The following TFDP2 variants were observed in gnomAD, a reference collection of about 807,000 sequenced individuals.
The protein encoded by TFDP2 is transcription factor Dp-2.
TFDP2 carries 17 observed loss-of-function variants against 59.3 expected under a neutral mutation model. The observed-to-expected ratio is 0.29, with a 90% CI of 0.20 to 0.43. TFDP2 has a LOEUF of 0.43. Ranked by LOEUF, TFDP2 falls within the 20% of genes least tolerant of loss-of-function variation. The pLI, the probability that TFDP2 is intolerant of heterozygous loss-of-function variation, is 1.00. For missense variants in TFDP2, 391 were observed against 528.8 expected, an observed-to-expected ratio of 0.74 and a Z score of 2.56; for synonymous variants, 180 against 194.7, an observed-to-expected ratio of 0.92 and a Z score of 0.63.
chr3:142,005,986 A>G (rs11569186), intron 3 of TFDP2, among the ~76,000 whole-genome samples: 10,582 of 152,292 alleles, frequency 0.069, 469 homozygotes, highest in Non-Finnish European at 0.11. Flanking sequence ...AGATTTCTTT[A>G]TAGTATAAAA....
intron 1 of TFDP2, among the ~76,000 whole-genome samples, chr3:142,140,409 C>T (rs1164313992): frequency 6.6e-6 from 1 of 152,154 alleles, no homozygotes; most frequent in South Asian, 2.1e-4. Context: ...CCGTTGCTGA[C>T]GAGGAGCTGC....
chr3:142,094,674 A>T (rs1357031991), intron 2 of TFDP2, among the ~76,000 whole-genome samples: 1 of 152,164 alleles, frequency 6.6e-6, no homozygotes, highest in Non-Finnish European at 1.5e-5. Context: ...GATATCATTG[A>T]TATATAAAAA....
At position 142,056,289 on chromosome 3, in the gene TFDP2, AC is replaced by A. The variant is rs538633200; in HGVS notation, c.82+36771del. On this transcript the variant is annotated intron_variant, in intron 3 of 12. Transcript: ENST00000489671. ...TTATAGGTCAAGCACAGTGCTTGGC[AC>A]TGGGGATATAACAGTGAATTAAAAA... Among the ~76,000 whole-genome samples the A allele has an allele frequency of 1.2e-3, 173 of 143,082 alleles. 1 individual carries two copies. Among genetic ancestry groups the A allele is most frequent in the African/African-American group, 4.4e-3 (164 of 37,658 alleles). 93.9% of individuals were successfully genotyped at this position (143,082 alleles called of 152,430 possible).
intron 3 of TFDP2, among the ~76,000 whole-genome samples, chr3:142,037,848 C>T (rs1212951660): frequency 1.3e-5 from 2 of 152,096 alleles, no homozygotes; most frequent in African/African-American, 4.8e-5. Flanking sequence ...TTCCACTATA[C>T]AGTTGTGTCA....
At chr3:142,110,410 G>C (rs893553091) in intron 1 of TFDP2, among the ~76,000 whole-genome samples, 1 of 151,780 alleles carries the variant, frequency 6.6e-6, no homozygotes, top group Non-Finnish European at 1.5e-5. Flanking sequence ...AGGCTGAGGC[G>C]GGAGAATCAC....
chr3:142,042,520 G>A (rs534159238), intron 3 of TFDP2, among the ~76,000 whole-genome samples: 127 of 151,660 alleles, frequency 8.4e-4, no homozygotes, highest in African/African-American at 1.6e-3. Context: ...GGATGGTCTC[G>A]ATCTCTTGAC....
At chr3:142,136,612 G>A (rs535424669) in intron 1 of TFDP2, among the ~76,000 whole-genome samples, 5 of 152,018 alleles carry the variant, frequency 3.3e-5, no homozygotes, top group Non-Finnish European at 7.4e-5. Context: ...GTGTAAGGAA[G>A]GGATCCAGTT....
intron 3 of TFDP2, among the ~76,000 whole-genome samples, chr3:142,023,045 G>C (rs1334851012): frequency 2.0e-5 from 3 of 149,282 alleles, no homozygotes. Flanking sequence ...GCTTGAACCC[G>C]GGAGGCGGAG....
chr3:141,973,997 G>C (rs962808232), intron 8 of TFDP2, 51 bp downstream of exon 8: 1 of 1,541,184 alleles, frequency 6.5e-7, no homozygotes, highest in Non-Finnish European at 8.7e-7. Context: ...TAAAATGCCT[G>C]TGATGTAAAA....
At chr3:141,958,947 C>CTTTT (rs984082447) in intron 11 of TFDP2, among the ~76,000 whole-genome samples, 70 of 103,682 alleles carry the variant, frequency 6.8e-4, no homozygotes, top group African/African-American at 1.1e-3. Flanking sequence ...GATGTACCTA[C>CTTTT]TTTTTTTTTT....
chr3:142,057,820 C>T (rs1054838756), intron 3 of TFDP2, among the ~76,000 whole-genome samples: 7 of 152,190 alleles, frequency 4.6e-5, no homozygotes. Context: ...TCTTTGACCA[C>T]GGTGCCCGGA....
intron 6 of TFDP2, among the ~76,000 whole-genome samples, chr3:141,990,606 T>C (rs1942656712): frequency 6.6e-6 from 1 of 151,882 alleles, no homozygotes; most frequent in African/African-American, 2.4e-5. Flanking sequence ...TTCCTCCTGG[T>C]TTCTTTGTTT....
intron 3 of TFDP2, among the ~76,000 whole-genome samples, chr3:142,025,382 G>C (rs969627971): frequency 1.1e-4 from 16 of 152,178 alleles, no homozygotes; most frequent in African/African-American, 3.9e-4. Flanking sequence ...TAATTCAACT[G>C]ATTTTGGTCT....
chr3:141,983,354 G>A (rs1480995002), intron 6 of TFDP2, among the ~76,000 whole-genome samples: 1 of 152,096 alleles, frequency 6.6e-6, no homozygotes, highest in Non-Finnish European at 1.5e-5. Context: ...AATGGGCAAA[G>A]GGCCAGGTGC....
chr3:142,114,041 T>G (rs2061759904), intron 1 of TFDP2, among the ~76,000 whole-genome samples: 2 of 151,944 alleles, frequency 1.3e-5, no homozygotes, highest in African/African-American at 4.8e-5. Context: ...GGCGGGCGCC[T>G]GTAGTCTCAG....
intron 3 of TFDP2, among the ~76,000 whole-genome samples, chr3:142,053,812 AT>A (rs1370758262): frequency 6.6e-6 from 1 of 152,266 alleles, no homozygotes; most frequent in African/African-American, 2.4e-5. Flanking sequence ...AAACAACTCA[AT>A]AAAAAATCTG....
intron 6 of TFDP2, among the ~76,000 whole-genome samples, chr3:141,981,076 C>T (rs1256629073): frequency 6.6e-6 from 1 of 152,100 alleles, no homozygotes; most frequent in Non-Finnish European, 1.5e-5. Flanking sequence ...TCACCCAGAG[C>T]AACTTCCAGT....
chr3:142,105,969 G>A (rs77560699), intron 1 of TFDP2, among the ~76,000 whole-genome samples: 3 of 130,890 alleles, frequency 2.3e-5, no homozygotes, highest in Middle Eastern at 3.9e-3. Context: ...TTAGAGGGGG[G>A]AAAAAAATCT....
rs1415049455 is a variant in TFDP2, at chr3:141,969,242, TA to T, written c.732+830del. ...ATCTCATATATATGAGATATATATA[TA>T]TATAACATATATATATCTCATATAT... On this transcript the variant is annotated intron_variant, in intron 9 of 12. Coordinates refer to ENST00000489671, the MANE Select transcript of TFDP2 (RefSeq NM_001178139.2). Among the ~76,000 whole-genome samples the T allele has an allele frequency of 9.8e-5, 11 of 112,624 alleles. No homozygotes were observed. The South Asian group carries it at 1.5e-3, about 15-fold the overall frequency. 73.9% of individuals were successfully genotyped at this position (112,624 alleles called of 152,430 possible).
Sources: allele counts gnomAD v4.1 joint callset (sites outside exome capture counted in the v4.1 genomes callset), GRCh38; gene constraint gnomAD v4.1.1; transcripts MANE v1.5; gene names NCBI Gene and HGNC (gene_info 2026-07-23, HGNC 2026-07-21).